The following CTNND2 variants were observed in gnomAD, a reference collection of about 807,000 sequenced individuals.
CTNND2 encodes the protein catenin delta-2.
In CTNND2, 22 loss-of-function variants were observed where a neutral mutation model predicts 144.4. That is an observed-to-expected ratio of 0.15 (90% CI 0.11 to 0.22). CTNND2 has a LOEUF of 0.22. Among genes scored for constraint, CTNND2 ranks in the 10% least tolerant of loss-of-function variants. CTNND2 has a pLI of 1.00. For missense variants in CTNND2, 1,353 were observed against 1,618.8 expected (o/e 0.84, Z 2.82); for synonymous variants, 751 against 695.6 (o/e 1.08, Z -1.25).
intron 2 of CTNND2, among the ~76,000 whole-genome samples, chr5:11,713,415 C>T (rs1038546501): frequency 3.3e-5 from 5 of 151,778 alleles, no homozygotes; most frequent in African/African-American, 1.2e-4. Context: ...CCCATCTCTA[C>T]TAAAAATACA....
At chr5:11,501,555 A>C (rs1400797523) in intron 3 of CTNND2, among the ~76,000 whole-genome samples, 3 of 152,182 alleles carry the variant, frequency 2.0e-5, no homozygotes, top group Non-Finnish European at 4.4e-5. Context: ...ATCCAATTCA[A>C]CAAATACTTA....
At chr5:11,614,973 T>C (rs1262426672) in intron 2 of CTNND2, among the ~76,000 whole-genome samples, 1 of 151,972 alleles carries the variant, frequency 6.6e-6, no homozygotes, top group Non-Finnish European at 1.5e-5. Flanking sequence ...AAAATATGTG[T>C]TTTGTCTCAC....
chr5:11,434,266 C>T (rs147630767), intron 3 of CTNND2, among the ~76,000 whole-genome samples: 37 of 152,212 alleles, frequency 2.4e-4, no homozygotes, highest in East Asian at 1.2e-3. Flanking sequence ...AATTCTTAAA[C>T]GAGCAAAACT....
At chr5:11,456,308 T>C (rs952677957) in intron 3 of CTNND2, among the ~76,000 whole-genome samples, 1 of 149,066 alleles carries the variant, frequency 6.7e-6, no homozygotes, top group Non-Finnish European at 1.5e-5. Flanking sequence ...TCTTTTGCCT[T>C]TTTGATGCTT....
At chr5:11,239,770 C>A (rs929050380) in intron 9 of CTNND2, among the ~76,000 whole-genome samples, 5 of 152,182 alleles carry the variant, frequency 3.3e-5, no homozygotes, top group African/African-American at 1.2e-4. Context: ...CACTCAAATG[C>A]GGGGCCTCAG....
chr5:11,860,488 A>G (rs1795450401), intron 1 of CTNND2, among the ~76,000 whole-genome samples: 2 of 152,342 alleles, frequency 1.3e-5, no homozygotes, highest in South Asian at 4.1e-4. Context: ...TTAGTATCTT[A>G]ATTGGATTTC....
intron 14 of CTNND2, among the ~76,000 whole-genome samples, chr5:11,104,348 T>G (rs61755682): frequency 8.9e-4 from 135 of 152,346 alleles, no homozygotes; most frequent in African/African-American, 3.1e-3. Context: ...GAAGAGAAGA[T>G]GGCTCTAAGT....
At chr5:11,470,981 T>TATATATATATATATATATATATATATA (rs58435800) in intron 3 of CTNND2, among the ~76,000 whole-genome samples, 3 of 64,048 alleles carry the variant, frequency 4.7e-5, no homozygotes, top group African/African-American at 8.4e-5. Context: ...TATATATATA[T>TATATATATATATATATATATATATATA]TTTTTTTTTT....
intron 1 of CTNND2, among the ~76,000 whole-genome samples, chr5:11,885,375 C>A (rs1736442122): frequency 6.6e-6 from 1 of 151,946 alleles, no homozygotes; most frequent in East Asian, 1.9e-4. Context: ...CAAATAGAAA[C>A]CACAAAAGAG....
chr5:11,130,637 G>GC (rs1346576890), intron 12 of CTNND2, among the ~76,000 whole-genome samples: 2 of 152,150 alleles, frequency 1.3e-5, no homozygotes, highest in African/African-American at 4.8e-5. Flanking sequence ...GCCTAATTGT[G>GC]CGGGTGGCCC....
chr5:11,551,649 A>G (rs1007720974), intron 3 of CTNND2, among the ~76,000 whole-genome samples: 1 of 151,792 alleles, frequency 6.6e-6, no homozygotes, highest in African/African-American at 2.4e-5. Flanking sequence ...CACAGGCTGG[A>G]GTGCAATGGT....
intron 3 of CTNND2, among the ~76,000 whole-genome samples, chr5:11,445,574 T>G (rs1018394525): frequency 3.3e-5 from 5 of 152,208 alleles, no homozygotes; most frequent in African/African-American, 1.2e-4. Flanking sequence ...CTCTGCGTGC[T>G]TCTCCTCACC....
intron 2 of CTNND2, among the ~76,000 whole-genome samples, chr5:11,576,055 C>G (rs1179510914): frequency 6.6e-6 from 1 of 152,142 alleles, no homozygotes; most frequent in Non-Finnish European, 1.5e-5. Context: ...GTTGCCTGAT[C>G]CACAGATTTG....
At chr5:11,057,237 T>C (rs1268877743) in intron 16 of CTNND2, among the ~76,000 whole-genome samples, 2 of 152,132 alleles carry the variant, frequency 1.3e-5, no homozygotes, top group African/African-American at 4.8e-5. Flanking sequence ...AGTATATTCA[T>C]CTAATGGGGT....
chr5:11,598,055 T>G (rs1425799072), intron 2 of CTNND2, among the ~76,000 whole-genome samples: 1 of 152,154 alleles, frequency 6.6e-6, no homozygotes, highest in Non-Finnish European at 1.5e-5. Context: ...AGTTTAGCCT[T>G]AAAGTAAAAT....
chr5:11,063,276 G>A (rs1314891281), intron 16 of CTNND2, among the ~76,000 whole-genome samples: 3 of 152,022 alleles, frequency 2.0e-5, no homozygotes, highest in Non-Finnish European at 4.4e-5. Context: ...TATTATTTTT[G>A]AATATATGAA....
At chr5:11,681,088 C>T (rs148998723) in intron 2 of CTNND2, among the ~76,000 whole-genome samples, 37 of 152,126 alleles carry the variant, frequency 2.4e-4, no homozygotes, top group African/African-American at 7.5e-4. Flanking sequence ...GAATGAGATG[C>T]GAAGAAGATC....
chr5:11,797,667 A>G (rs1791470093), intron 1 of CTNND2, among the ~76,000 whole-genome samples: 1 of 152,218 alleles, frequency 6.6e-6, no homozygotes, highest in African/African-American at 2.4e-5. Context: ...TAAAATTATG[A>G]AAATAATAAA....
intron 16 of CTNND2, among the ~76,000 whole-genome samples, chr5:11,081,092 A>ACACACACACACACACACT: frequency 6.6e-6 from 1 of 151,740 alleles, no homozygotes; most frequent in Admixed American, 6.6e-5. Flanking sequence ...ACACACACAC[A>ACACACACACACACACACT]CACACACACA....
Sources: allele counts gnomAD v4.1 joint callset (sites outside exome capture counted in the v4.1 genomes callset), GRCh38; gene constraint gnomAD v4.1.1; transcripts MANE v1.5; gene names NCBI Gene and HGNC (gene_info 2026-07-23, HGNC 2026-07-21).